Variants in COPS4 observed in about 807,000 individuals in gnomAD.
The protein encoded by COPS4 is COP9 signalosome subunit 4, also known as COP9 signalosome complex subunit 4.
Under a neutral mutation model 55.1 loss-of-function variants are expected in COPS4, and 8 were observed. That is an observed-to-expected ratio of 0.15 (90% CI 0.09 to 0.26). COPS4 has a LOEUF of 0.26. Ranked by LOEUF, COPS4 falls within the 10% of genes least tolerant of loss-of-function variation. COPS4 has a pLI of 1.00. For synonymous variants in COPS4, 185 were observed against 165.7 expected (o/e 1.12, Z -0.90); for missense variants, 248 against 484.0 (o/e 0.51, Z 4.58).
intron 1 of COPS4, among the ~76,000 whole-genome samples, chr4:83,038,433 AC>A (rs1218064990): frequency 6.6e-6 from 1 of 152,152 alleles, no homozygotes; most frequent in Non-Finnish European, 1.5e-5. Context: ...TGAGCCCTTA[AC>A]TCTAAACAAA....
At chr4:83,074,391 A>G (rs1731511544) in intron 9 of COPS4, among the ~76,000 whole-genome samples, 1 of 152,172 alleles carries the variant, frequency 6.6e-6, no homozygotes, top group Admixed American at 6.5e-5. Context: ...TAGAAATTTA[A>G]AAAAAGAAAA....
At chr4:83,041,708 T>C (rs1027551392) in intron 1 of COPS4, among the ~76,000 whole-genome samples, 2 of 151,802 alleles carry the variant, frequency 1.3e-5, no homozygotes, top group African/African-American at 4.8e-5. Flanking sequence ...CCTCAAGCGA[T>C]CGTCTTCCTT....
At chr4:83,073,229 TTC>T (rs1462512882) in intron 9 of COPS4, 1 of 683,146 alleles carries the variant, frequency 1.5e-6, no homozygotes, top group Non-Finnish European at 2.7e-6. Context: ...CCAATCCATC[TTC>T]TGTCTCTGGA....
chr4:83,075,181 TA>T, intron 9 of COPS4, 115 bp from the exon 10 acceptor site: 1 of 851,886 alleles, frequency 1.2e-6, no homozygotes, highest in Non-Finnish European at 1.8e-6. Flanking sequence ...TTTAGGTATT[TA>T]AAAGGAACAT....
intron 6 of COPS4, 115 bp downstream of exon 6, chr4:83,057,523 A>C: frequency 1.3e-6 from 1 of 742,194 alleles, no homozygotes; most frequent in East Asian, 2.7e-5. Context: ...TGTCTTCATA[A>C]TACAGTTATG....
chr4:83,054,002 C>T (rs1730954895), intron 4 of COPS4, among the ~76,000 whole-genome samples: 1 of 152,052 alleles, frequency 6.6e-6, no homozygotes, highest in South Asian at 2.1e-4. Flanking sequence ...GAAAACACTT[C>T]CTCTTCCAGT....
chr4:83,035,445 C>A, intron 1 of COPS4, 147 bp downstream of exon 1: 1 of 535,138 alleles, frequency 1.9e-6, no homozygotes, highest in South Asian at 1.7e-5. Flanking sequence ...GCTGGGGAGG[C>A]AAATGTTGGG....
At chr4:83,051,906 G>A (rs1730897994) in intron 4 of COPS4, among the ~76,000 whole-genome samples, 1 of 152,206 alleles carries the variant, frequency 6.6e-6, no homozygotes, top group Non-Finnish European at 1.5e-5. Flanking sequence ...ATCCATTGAG[G>A]TAAGAAGGAA....
At chr4:83,051,570 T>A (rs1280348067) in intron 4 of COPS4, among the ~76,000 whole-genome samples, 1 of 152,186 alleles carries the variant, frequency 6.6e-6, no homozygotes, top group East Asian at 1.9e-4. Flanking sequence ...AAGCCCTGAT[T>A]TTTGGCCTGA....
chr4:83,073,898 A>G (rs1415273732), intron 9 of COPS4, among the ~76,000 whole-genome samples: 1 of 151,654 alleles, frequency 6.6e-6, no homozygotes, highest in Non-Finnish European at 1.5e-5. Context: ...TGGAGGTTGC[A>G]GTGAGCTGAT....
rs562231560 is a variant in COPS4 at position 83,039,569 on chromosome 4, C to T, written c.74+4271C>T. Among the ~76,000 whole-genome samples the T allele has an allele frequency of 2.0e-5, 3 of 152,286 alleles. No homozygotes were observed. The South Asian group carries it at 6.2e-4, about 32-fold the overall frequency. ...CTGTCACATTATCCTGGTTAAGCTT[C>T]ACTGGGTTTCCTGAATCAATGGATT... On this transcript the variant is annotated intron_variant, in intron 1 of 9. Coordinates refer to ENST00000264389, the MANE Select transcript of COPS4 (RefSeq NM_016129.3).
chr4:83,073,042 A>G (rs1578724634), intron 9 of COPS4, among the ~76,000 whole-genome samples: 1 of 152,216 alleles, frequency 6.6e-6, no homozygotes, highest in South Asian at 2.1e-4. Context: ...AAGGAAATTC[A>G]CCTAACAGAA....
At chr4:83,075,135 T>A (rs74917806) in intron 9 of COPS4, among the ~76,000 whole-genome samples, 162 bp from the exon 10 acceptor site, 2,315 of 152,104 alleles carry the variant, frequency 0.015, 64 homozygotes, top group African/African-American at 0.053. Context: ...AAAGTATTTA[T>A]TGTTTTTATT....
At chr4:83,037,164 A>G (rs1368506936) in intron 1 of COPS4, among the ~76,000 whole-genome samples, 1 of 152,160 alleles carries the variant, frequency 6.6e-6, no homozygotes, top group Non-Finnish European at 1.5e-5. Context: ...CTCTCTCTGC[A>G]CAGTCTCTCA....
At chr4:83,045,564 C>A in intron 1 of COPS4, 62 bp from the exon 2 acceptor site, 1 of 1,291,504 alleles carries the variant, frequency 7.7e-7, no homozygotes, top group Non-Finnish European at 1.1e-6. Flanking sequence ...AAATACACAT[C>A]AAAGTTTGCA....
chr4:83,041,416 C>G (rs1730566231), intron 1 of COPS4, among the ~76,000 whole-genome samples: 1 of 152,028 alleles, frequency 6.6e-6, no homozygotes. Flanking sequence ...CCATATCAGT[C>G]ACATTTCTCT....
Position 83,068,532 on chromosome 4 carries a change from T to C in COPS4, c.1087+10T>C, listed in dbSNP as rs1731344794. On this transcript the variant is annotated intron_variant, in intron 9 of 9. Transcript: ENST00000264389. ...ATAGTTCATTTTGAAAGTAAGAGGT[T>C]TTGTGTATTTCTGTCATAATGAAAT... The C allele has an allele frequency of 1.3e-6, 2 of 1,528,134 alleles. No homozygotes were observed. Among genetic ancestry groups the C allele is most frequent in the Non-Finnish European group, 1.8e-6 (2 of 1,102,568 alleles). 94.7% of individuals were successfully genotyped at this position (1,528,134 alleles called of 1,614,324 possible).
intron 4 of COPS4, among the ~76,000 whole-genome samples, chr4:83,053,418 A>G (rs1264972839): frequency 6.6e-6 from 1 of 152,146 alleles, no homozygotes; most frequent in African/African-American, 2.4e-5. Flanking sequence ...AGGCTAGGTA[A>G]AGAGGGAAGT....
intron 1 of COPS4, among the ~76,000 whole-genome samples, chr4:83,044,190 A>G (rs1036212898): frequency 6.6e-6 from 1 of 152,228 alleles, no homozygotes; most frequent in African/African-American, 2.4e-5. Context: ...CACGCCTGTA[A>G]TCCCAGCACT....
Sources: allele counts gnomAD v4.1 joint callset (sites outside exome capture counted in the v4.1 genomes callset), GRCh38; gene constraint gnomAD v4.1.1; transcripts MANE v1.5; gene names NCBI Gene and HGNC (gene_info 2026-07-23, HGNC 2026-07-21).